SWT1: variants seen among roughly 807,000 people sequenced by gnomAD.
SWT1 encodes the protein transcriptional protein SWT1.
A neutral mutation model predicts 107.3 loss-of-function variants in SWT1; 33 were observed. The ratio of observed to expected loss-of-function variants is 0.31; its 90% CI spans 0.23 to 0.41. SWT1 has a LOEUF of 0.41. SWT1 is among the 10% of genes least tolerant of loss of function. SWT1 has a pLI of 1.00. For synonymous variants in SWT1, 345 were observed against 348.3 expected (o/e 0.99, Z 0.11); for missense variants, 898 against 1,028.9 (o/e 0.87, Z 1.74).
At chr1:185,209,276 C>T (rs1265843376) in intron 13 of SWT1, among the ~76,000 whole-genome samples, 4 of 151,920 alleles carry the variant, frequency 2.6e-5, no homozygotes, top group Admixed American at 2.0e-4. Flanking sequence ...TGGTGCAGAA[C>T]GTCCAGGTCT....
chr1:185,173,393 G>T (rs1211857375), intron 4 of SWT1, among the ~76,000 whole-genome samples: 1 of 151,990 alleles, frequency 6.6e-6, no homozygotes. Context: ...AGTTTGGGAA[G>T]TTCTCTATTA....
intron 16 of SWT1, 30 bp from the exon 17 acceptor site, chr1:185,271,292 TC>T (rs770382217): frequency 4.5e-5 from 52 of 1,163,478 alleles, no homozygotes; most frequent in Non-Finnish European, 2.8e-5. Context: ...AATCATTTAT[TC>T]CCCCCCTTTG....
intron 10 of SWT1, among the ~76,000 whole-genome samples, chr1:185,195,686 C>T (rs951561344): frequency 6.6e-6 from 1 of 152,148 alleles, no homozygotes; most frequent in Non-Finnish European, 1.5e-5. Context: ...TAATGATTGC[C>T]ATTCTAACTG....
intron 16 of SWT1, among the ~76,000 whole-genome samples, chr1:185,243,581 G>A (rs968147538): frequency 6.6e-6 from 1 of 152,166 alleles, no homozygotes; most frequent in South Asian, 2.1e-4. Context: ...TTTCCACATA[G>A]ATGGTACTCA....
chr1:185,290,353 G>A (rs1276203984), intron 18 of SWT1, among the ~76,000 whole-genome samples: 7 of 152,128 alleles, frequency 4.6e-5, no homozygotes, highest in African/African-American at 1.7e-4. Flanking sequence ...ATGGTAGGAG[G>A]ATCACTTGAG....
intron 13 of SWT1, among the ~76,000 whole-genome samples, chr1:185,210,744 G>A (rs1658726338): frequency 6.6e-6 from 1 of 152,172 alleles, no homozygotes; most frequent in African/African-American, 2.4e-5. Flanking sequence ...TTAGGAAAAG[G>A]GGAAGTCAAA....
chr1:185,211,149 A>C (rs747185374), intron 13 of SWT1, among the ~76,000 whole-genome samples: 11 of 152,218 alleles, frequency 7.2e-5, no homozygotes, highest in Non-Finnish European at 1.5e-4. Context: ...TGCTATCCTC[A>C]TCAAGCTACC....
chr1:185,171,007 C>T (rs577860413), intron 4 of SWT1, among the ~76,000 whole-genome samples: 6 of 152,248 alleles, frequency 3.9e-5, no homozygotes, highest in South Asian at 2.1e-4. Context: ...GCACCAGAGA[C>T]GATTGACAGT....
chr1:185,207,028 A>C (rs1316820452), intron 13 of SWT1, among the ~76,000 whole-genome samples: 1 of 152,248 alleles, frequency 6.6e-6, no homozygotes, highest in African/African-American at 2.4e-5. Context: ...AATATTGTGA[A>C]TATATAATTT....
chr1:185,195,558 C>G (rs936542052), intron 10 of SWT1, among the ~76,000 whole-genome samples: 2 of 152,204 alleles, frequency 1.3e-5, no homozygotes, highest in African/African-American at 4.8e-5. Flanking sequence ...GTTCTAGATG[C>G]ATGAGGAATC....
intron 16 of SWT1, among the ~76,000 whole-genome samples, chr1:185,237,990 G>A (rs1661012039): frequency 6.6e-6 from 1 of 151,154 alleles, no homozygotes; most frequent in African/African-American, 2.4e-5. Context: ...GACCTGGGGT[G>A]ATTTTTTTTT....
At chr1:185,283,068 A>G (rs2102776258) in intron 18 of SWT1, among the ~76,000 whole-genome samples, 1 of 152,342 alleles carries the variant, frequency 6.6e-6, no homozygotes, top group South Asian at 2.1e-4. Context: ...AGTGAGGTTC[A>G]GGAAAGTCCC....
chr1:185,191,813 A>G (rs1656972758), intron 10 of SWT1, among the ~76,000 whole-genome samples: 2 of 152,166 alleles, frequency 1.3e-5, no homozygotes, highest in African/African-American at 2.4e-5. Flanking sequence ...ACAAAACTTT[A>G]TCAATTCTCC....
intron 17 of SWT1, among the ~76,000 whole-genome samples, chr1:185,275,066 G>A (rs955620803): frequency 3.3e-5 from 5 of 151,974 alleles, no homozygotes; most frequent in African/African-American, 1.2e-4. Flanking sequence ...GATAAATGTA[G>A]ATACTTAAAA....
At chr1:185,231,521 G>C (rs1232816081) in intron 15 of SWT1, 56 bp from the exon 16 acceptor site, 1 of 1,281,550 alleles carries the variant, frequency 7.8e-7, no homozygotes, top group Non-Finnish European at 1.1e-6. Flanking sequence ...TGAAATACTT[G>C]AATTACATTA....
chr1:185,276,053 A>T (rs1247171237), intron 17 of SWT1, among the ~76,000 whole-genome samples: 2 of 152,162 alleles, frequency 1.3e-5, no homozygotes, highest in Non-Finnish European at 2.9e-5. Flanking sequence ...TCTTCCCTGC[A>T]TATAAATAGG....
chr1:185,255,247 G>C (rs555721159), intron 16 of SWT1, among the ~76,000 whole-genome samples: 1 of 151,572 alleles, frequency 6.6e-6, no homozygotes, highest in African/African-American at 2.4e-5. Context: ...TGAAAAAAAT[G>C]TATATTCTGT....
intron 13 of SWT1, among the ~76,000 whole-genome samples, chr1:185,211,904 T>C (rs920400898): frequency 7.2e-5 from 11 of 152,018 alleles, no homozygotes; most frequent in Non-Finnish European, 1.0e-4. Flanking sequence ...ATGTCCTTTG[T>C]AGGGACATGG....
chr1:185,207,997 G>A (rs545059122), intron 13 of SWT1, among the ~76,000 whole-genome samples: 38 of 152,270 alleles, frequency 2.5e-4, no homozygotes, highest in African/African-American at 8.9e-4. Flanking sequence ...ATGAAGTGAT[G>A]TGTTTATTAT....
Sources: allele counts gnomAD v4.1 joint callset (sites outside exome capture counted in the v4.1 genomes callset), GRCh38; gene constraint gnomAD v4.1.1; transcripts MANE v1.5; gene names NCBI Gene and HGNC (gene_info 2026-07-23, HGNC 2026-07-21).